Variants in ABCA10 observed in about 807,000 individuals in gnomAD.
The protein encoded by ABCA10 is ATP-binding cassette sub-family A member 10.
In ABCA10, 169 loss-of-function variants were observed where a neutral mutation model predicts 187.5. The observed-to-expected ratio is 0.90, with a 90% CI of 0.80 to 1.02. The LOEUF (loss-of-function observed/expected upper bound fraction) is 1.02, where lower values mean the gene tolerates loss of function less well. Among genes scored for constraint, ABCA10 ranks in the 50% least tolerant of loss-of-function variants. The pLI, the probability that ABCA10 is intolerant of heterozygous loss-of-function variation, is 0.00. For synonymous variants in ABCA10, 574 were observed against 601.8 expected, an observed-to-expected ratio of 0.95 and a Z score of 0.68; for missense variants, 1,727 against 1,812.4, an observed-to-expected ratio of 0.95 and a Z score of 0.86.
At chr17:69,197,765 C>T (rs530834831) in intron 10 of ABCA10, among the ~76,000 whole-genome samples, 50 of 152,160 alleles carry the variant, frequency 3.3e-4, no homozygotes, top group Middle Eastern at 3.4e-3. Context: ...CTTACTATTC[C>T]GTTTTGGCGT....
At chr17:69,237,231 A>C (rs1318453002) in intron 1 of ABCA10, among the ~76,000 whole-genome samples, 1 of 152,190 alleles carries the variant, frequency 6.6e-6, no homozygotes, top group Non-Finnish European at 1.5e-5. Context: ...GAAAACCCTA[A>C]ACGTAGCCTT....
At chr17:69,221,292 T>C (rs11656539) in intron 5 of ABCA10, among the ~76,000 whole-genome samples, 112,244 of 152,076 alleles carry the variant, frequency 0.74, 41,819 homozygotes, top group African/African-American at 0.81. Context: ...GTGGTAGGGA[T>C]AGATAATATT....
chr17:69,219,401 A>C, intron 6 of ABCA10, 144 bp downstream of exon 6: 1 of 517,754 alleles, frequency 1.9e-6, no homozygotes, highest in Non-Finnish European at 3.3e-6. Context: ...TTTCTACTGC[A>C]AGCATCTTAA....
In ABCA10 at chr17:69,164,158, A is replaced by G; in HGVS notation, c.3283-4T>C. 1 of 1,567,568 alleles carries G rather than the reference A, an allele frequency of 6.4e-7. No individual in the cohort carries two copies. On this transcript the variant is annotated splice_region_variant and splice_polypyrimidine_tract_variant and intron_variant, in intron 26 of 38. Transcript: ENST00000690296. ...CCAAGTTTCTCATAAAGTCGAGCTG[A>G]AAAAAAACCCACCAACAGTTAAATG...
rs149038617 is a variant in ABCA10 at position 69,153,717 on chromosome 17, T to C, written c.3965+114A>G. 4,967 of 1,462,354 alleles carry C rather than the reference T, an allele frequency of 3.4e-3. 10 individuals are homozygous for C. The highest frequency in any genetic ancestry group is 4.2e-3 in the Non-Finnish European group (4,539 of 1,088,800). 90.6% of individuals were successfully genotyped at this position (1,462,354 alleles called of 1,614,324 possible). A position where few individuals can be genotyped will look rare whatever the true frequency, so the allele number is the denominator to read the frequency against. On this transcript the variant is annotated intron_variant, in intron 32 of 38. Transcript: ENST00000690296. ...GTTCTTATTCAGGTATTTGAATCAT[T>C]TTATTTGCATGAAAATTTAAAGACA...
intron 22 of ABCA10, chr17:69,175,719 A>C (rs1206473191): frequency 4.9e-6 from 2 of 406,454 alleles, no homozygotes; most frequent in Non-Finnish European, 8.8e-6. Context: ...TCAAAATCTC[A>C]ATTTTATATG....
At chr17:69,192,807 C>T (rs2074470814) in intron 15 of ABCA10, among the ~76,000 whole-genome samples, 154 bp from the exon 16 acceptor site, 1 of 152,160 alleles carries the variant, frequency 6.6e-6, no homozygotes, top group South Asian at 2.1e-4. Flanking sequence ...TTTCTAATCC[C>T]CATGCCTATT....
chr17:69,239,550 T>C (rs1336210277), intron 1 of ABCA10, among the ~76,000 whole-genome samples: 1 of 152,208 alleles, frequency 6.6e-6, no homozygotes, highest in Non-Finnish European at 1.5e-5. Flanking sequence ...CACTGCCTTA[T>C]GCTGCTAGAG....
chr17:69,226,984 A>G (rs993270573), intron 2 of ABCA10, among the ~76,000 whole-genome samples, 161 bp downstream of exon 2: 5 of 151,806 alleles, frequency 3.3e-5, no homozygotes, highest in African/African-American at 1.2e-4. Context: ...TGCAAAATAT[A>G]TATCGTTTTG....
rs1233368037 is a variant in ABCA10 at position 69,148,227 on chromosome 17, A to C, written c.*600T>G. ...CTTTGAAAAAGGATCCATAAAAAAT[A>C]CATTGAATATAAGTTGGCTAAAGAA... On this transcript the variant is annotated 3_prime_UTR_variant, in exon 39 of 39. Coordinates refer to ENST00000690296, the MANE Select transcript of ABCA10 (RefSeq NM_001377321.1). The C allele has an allele frequency of 1.3e-5, 2 of 152,310 alleles. No homozygotes were observed. Among genetic ancestry groups the C allele is most frequent in the African/African-American group, 4.8e-5 (2 of 41,460 alleles). 9.4% of individuals were successfully genotyped at this position (152,310 alleles called of 1,614,324 possible).
chr17:69,197,249 A>G (rs538827077), intron 10 of ABCA10, 127 bp from the exon 11 acceptor site: 55 of 667,314 alleles, frequency 8.2e-5, no homozygotes, highest in Admixed American at 5.0e-4. Flanking sequence ...TAAGGAGGGC[A>G]GTAATAAAAG....
At chr17:69,186,807 C>T (rs1450941001) in intron 19 of ABCA10, among the ~76,000 whole-genome samples, 1 of 152,130 alleles carries the variant, frequency 6.6e-6, no homozygotes, top group Non-Finnish European at 1.5e-5. Flanking sequence ...TATAACCTGG[C>T]ATATAAGTTA....
rs1366696280 is a variant in ABCA10, at chr17:69,155,808, C to T, written c.3573G>A (p.Glu1191=). 8 of 1,613,426 alleles carry T rather than the reference C, an allele frequency of 5.0e-6. No individual in the cohort carries two copies. In the African/African-American group the frequency reaches 8.0e-5, roughly 16 times the overall value. ...AANALTAPNL[E]EEPVITASCL... is the part of the protein sequence containing the mutation. Reference sequence around the variant, plus strand: ...GGGTCTAATCCCTGCTGTTCACCTCCTCCAAGTTTGGAGCAGTGAGTGCAT... The same window carrying T: ...GGGTCTAATCCCTGCTGTTCACCTCTTCCAAGTTTGGAGCAGTGAGTGCAT... Residue 1191 remains glutamate (E), a synonymous_variant, in exon 29 of 39, where the codon GAG becomes GAA. Coordinates refer to ENST00000690296, the MANE Select transcript of ABCA10 (RefSeq NM_001377321.1).
intron 3 of ABCA10, among the ~76,000 whole-genome samples, chr17:69,224,606 C>G (rs1396387231): frequency 6.7e-6 from 1 of 149,442 alleles, no homozygotes; most frequent in Admixed American, 6.7e-5. Flanking sequence ...TTATGAGATG[C>G]ATACATCAAA....
Position 69,150,000 on chromosome 17 carries a change from A to G in ABCA10, c.4461T>C (p.Phe1487=). 6.2e-7 allele frequency: 1 copy of G among 1,612,428 alleles called. No homozygotes were observed. The highest frequency in any genetic ancestry group is 8.5e-7 in the Non-Finnish European group (1 of 1,178,880). ...VEDVHPLSRA[F]FKLEAMKQTF... Reference sequence around the variant, plus strand: ...CAAACTTACTCGCCTCTAACTTGAAAAAGGCCCGAGATAGAGGGTGGACAT... The same window carrying G: ...CAAACTTACTCGCCTCTAACTTGAAGAAGGCCCGAGATAGAGGGTGGACAT... The change falls in exon 37 of 39, where the codon TTT becomes TTC. Residue 1487 remains phenylalanine (F), a synonymous_variant. Coordinates refer to ENST00000690296, the MANE Select transcript of ABCA10 (RefSeq NM_001377321.1).
At chr17:69,154,583 C>G (rs984338667) in intron 30 of ABCA10, among the ~76,000 whole-genome samples, 1 of 152,070 alleles carries the variant, frequency 6.6e-6, no homozygotes, top group South Asian at 2.1e-4. Flanking sequence ...CACCACCACA[C>G]CCAGCTAATT....
At chr17:69,162,822 T>TATACAG (rs1219878476) in intron 27 of ABCA10, among the ~76,000 whole-genome samples, 1 of 61,788 alleles carries the variant, frequency 1.6e-5, no homozygotes, top group Admixed American at 1.8e-4. Context: ...TACATATACA[T>TATACAG]ATACATATAC....
rs1294979334 is a variant in ABCA10, at chr17:69,153,881, A to G, written c.3915T>C (p.Tyr1305=). ...CTTTGCCCAGTCCTTTCACAGCTGC[A>G]TACAACTCCAAGTGCTCTTTCATTG... ...KLTMKEHLEL[Y]AAVKGLGKED... Residue 1305 remains tyrosine (Y), a synonymous_variant, in exon 32 of 39, where the codon TAT becomes TAC. Coordinates refer to ENST00000690296, the MANE Select transcript of ABCA10 (RefSeq NM_001377321.1). 3.1e-6 allele frequency: 5 copies of G among 1,614,028 alleles called. No homozygotes were observed. Among genetic ancestry groups the G allele is most frequent in the Non-Finnish European group, 3.4e-6 (4 of 1,180,014 alleles).
chr17:69,167,071 C>G (rs8076805), intron 25 of ABCA10, among the ~76,000 whole-genome samples: 2,665 of 152,282 alleles, frequency 0.018, 72 homozygotes, highest in African/African-American at 0.061. Flanking sequence ...AACCCTTTTT[C>G]TGGATTAGTT....
Sources: gnomAD v4.1 joint callset for allele counts (sites outside exome capture counted in the v4.1 genomes callset) on GRCh38, gnomAD v4.1.1 for gene constraint, MANE v1.5 for transcripts, NCBI Gene and HGNC (gene_info 2026-07-23, HGNC 2026-07-21) for gene names.